The following LRRC4C variants were observed in gnomAD, a reference collection of about 807,000 sequenced individuals.
The protein encoded by LRRC4C is leucine-rich repeat-containing protein 4C.
In LRRC4C, 5 loss-of-function variants were observed where a neutral mutation model predicts 33.6. The observed-to-expected ratio is 0.15, with a 90% confidence interval of 0.08 to 0.31. LRRC4C has a LOEUF of 0.31. Ranked by LOEUF, LRRC4C falls within the 10% of genes least tolerant of loss-of-function variation. LRRC4C has a pLI of 1.00. For synonymous variants in LRRC4C, 329 were observed against 302.0 expected (o/e 1.09, Z -0.93); for missense variants, 560 against 796.7 (o/e 0.70, Z 3.58).
intron 3 of LRRC4C, among the ~76,000 whole-genome samples, chr11:40,382,062 T>C (rs2137357470): frequency 7.0e-6 from 1 of 142,316 alleles, no homozygotes; most frequent in East Asian, 2.3e-4. Context: ...GTTCACGCCA[T>C]TCTCCTGCCT....
At chr11:41,135,975 A>G (rs945880584) in intron 1 of LRRC4C, among the ~76,000 whole-genome samples, 7 of 152,200 alleles carry the variant, frequency 4.6e-5, no homozygotes, top group African/African-American at 1.7e-4. Context: ...ACATCTACAC[A>G]ATAGGCATTT....
At chr11:40,134,118 G>A (rs563939303) in intron 6 of LRRC4C, among the ~76,000 whole-genome samples, 40 of 152,250 alleles carry the variant, frequency 2.6e-4, no homozygotes, top group Non-Finnish European at 4.1e-4. Context: ...AGAACCAGGC[G>A]TGGTGGCACA....
chr11:40,239,878 AC>A (rs1865814585), intron 5 of LRRC4C, among the ~76,000 whole-genome samples: 1 of 152,176 alleles, frequency 6.6e-6, no homozygotes, highest in Non-Finnish European at 1.5e-5. Context: ...TACTCAGTTG[AC>A]CCTTAATCTG....
intron 1 of LRRC4C, among the ~76,000 whole-genome samples, chr11:41,182,872 G>A (rs1486599354): frequency 6.7e-6 from 1 of 149,198 alleles, no homozygotes; most frequent in Non-Finnish European, 1.5e-5. Context: ...AAGGTTTAAT[G>A]TACTTAGAGT....
intron 1 of LRRC4C, chr11:41,394,911 C>T (rs748688720): frequency 2.0e-5 from 3 of 151,884 alleles, no homozygotes; most frequent in Admixed American, 6.6e-5. Flanking sequence ...AAAATGCTAT[C>T]GTGGTATATG....
chr11:40,882,555 T>C (rs1184581733), intron 2 of LRRC4C, among the ~76,000 whole-genome samples: 1 of 152,008 alleles, frequency 6.6e-6, no homozygotes, highest in Non-Finnish European at 1.5e-5. Context: ...TACATACTAT[T>C]CCTTCACTTC....
At chr11:41,349,457 A>C (rs200217965) in intron 1 of LRRC4C, among the ~76,000 whole-genome samples, 35 of 150,880 alleles carry the variant, frequency 2.3e-4, no homozygotes, top group Admixed American at 3.3e-4. Flanking sequence ...GCTGGAGGAA[A>C]AAAACAAAAC....
intron 3 of LRRC4C, among the ~76,000 whole-genome samples, chr11:40,325,133 A>G (rs1946035842): frequency 6.6e-6 from 1 of 152,226 alleles, no homozygotes; most frequent in Non-Finnish European, 1.5e-5. Context: ...TTAAACCTGA[A>G]GAATGAGAAA....
At chr11:40,885,515 C>G (rs1020846573) in intron 2 of LRRC4C, among the ~76,000 whole-genome samples, 4 of 152,022 alleles carry the variant, frequency 2.6e-5, no homozygotes, top group Non-Finnish European at 5.9e-5. Context: ...TTTTCATCCT[C>G]TGCTATATAA....
chr11:41,088,749 G>A (rs1311611656), intron 1 of LRRC4C, among the ~76,000 whole-genome samples: 1 of 151,944 alleles, frequency 6.6e-6, no homozygotes, highest in African/African-American at 2.4e-5. Context: ...GATCAGAGAG[G>A]AAATGAGTTA....
At chr11:41,188,202 TCTGTG>T (rs1945781477) in intron 1 of LRRC4C, among the ~76,000 whole-genome samples, 3 of 152,078 alleles carry the variant, frequency 2.0e-5, no homozygotes, top group Admixed American at 1.3e-4. Flanking sequence ...CAGGAGACAT[TCTGTG>T]CTGTTGAATA....
At chr11:40,212,963 C>T (rs1369074979) in intron 5 of LRRC4C, among the ~76,000 whole-genome samples, 4 of 151,986 alleles carry the variant, frequency 2.6e-5, no homozygotes, top group African/African-American at 9.7e-5. Context: ...AAAATGATTC[C>T]CAGGCTACCA....
intron 1 of LRRC4C, among the ~76,000 whole-genome samples, chr11:41,306,118 A>C (rs1418168326): frequency 6.6e-6 from 1 of 151,742 alleles, no homozygotes; most frequent in Non-Finnish European, 1.5e-5. Context: ...TTTTCACCTC[A>C]GTCTAGAGGC....
chr11:40,453,617 G>GAAAAAAAAAAAAAAAA (rs149112559), intron 3 of LRRC4C, among the ~76,000 whole-genome samples: 1 of 143,708 alleles, frequency 7.0e-6, no homozygotes, highest in Non-Finnish European at 1.5e-5. Flanking sequence ...GGCATTCTAA[G>GAAAAAAAAAAAAAAAA]AAAAAAAAAA....
chr11:40,550,009 T>A, intron 3 of LRRC4C, among the ~76,000 whole-genome samples: 1 of 152,138 alleles, frequency 6.6e-6, no homozygotes, highest in East Asian at 1.9e-4. Flanking sequence ...GGAATGGCCA[T>A]GTTTTATATC....
intron 1 of LRRC4C, among the ~76,000 whole-genome samples, chr11:41,446,616 C>T (rs1195046879): frequency 6.6e-6 from 1 of 152,012 alleles, no homozygotes; most frequent in African/African-American, 2.4e-5. Context: ...AGCTACAAGG[C>T]TTTATAAGGC....
At chr11:40,531,655 A>G (rs1405024402) in intron 3 of LRRC4C, among the ~76,000 whole-genome samples, 1 of 152,030 alleles carries the variant, frequency 6.6e-6, no homozygotes, top group Non-Finnish European at 1.5e-5. Flanking sequence ...TATTATTGGC[A>G]ATCAGTAAGC....
chr11:40,829,459 T>C (rs528515738), intron 2 of LRRC4C, among the ~76,000 whole-genome samples: 1 of 152,166 alleles, frequency 6.6e-6, no homozygotes, highest in African/African-American at 2.4e-5. Context: ...GTAGTTTCTT[T>C]GGCAATGCAG....
intron 3 of LRRC4C, among the ~76,000 whole-genome samples, chr11:40,529,107 T>A (rs78201283): frequency 0.014 from 2,205 of 152,276 alleles, 54 homozygotes; most frequent in African/African-American, 0.05. Flanking sequence ...CTGTTGACTG[T>A]CAGCACTATA....
Sources: gnomAD v4.1 joint callset for allele counts (sites outside exome capture counted in the v4.1 genomes callset) on GRCh38, gnomAD v4.1.1 for gene constraint, MANE v1.5 for transcripts, NCBI Gene and HGNC (gene_info 2026-07-23, HGNC 2026-07-21) for gene names.